Variants in HERC2 observed in about 807,000 individuals in gnomAD.
The protein encoded by HERC2 is E3 ubiquitin-protein ligase HERC2.
Under a neutral mutation model 537.7 loss-of-function variants are expected in HERC2, and 102 were observed. The ratio of observed to expected loss-of-function variants is 0.19; its 90% CI spans 0.16 to 0.22. HERC2 has a LOEUF of 0.22. HERC2 is among the 10% of genes least tolerant of loss of function. The pLI is 1.00. For missense variants in HERC2, 4,236 were observed against 6,198.2 expected (o/e 0.68, Z 10.63); for synonymous variants, 2,224 against 2,466.2 (o/e 0.90, Z 2.91).
At chr15:28,197,914 T>G (rs1897506137) in intron 50 of HERC2, among the ~76,000 whole-genome samples, 1 of 152,190 alleles carries the variant, frequency 6.6e-6, no homozygotes, top group Non-Finnish European at 1.5e-5. Flanking sequence ...TGATTAAAGT[T>G]GAGTCTAATC....
rs150026812 is a variant in HERC2 at position 28,248,268 on chromosome 15, T to C, written c.3235+284A>G. Among the ~76,000 whole-genome samples the C allele has an allele frequency of 2.1e-3, 316 of 152,326 alleles. 2 individuals are homozygous for C. Among genetic ancestry groups the C allele is most frequent in the Admixed American group, 5.8e-3 (88 of 15,300 alleles). Reference sequence around the variant, plus strand: ...CCAGTCTCCAGCATTCCATAGCACATGGAACAAATCTGATAAATCTTCTGT... The same window carrying C: ...CCAGTCTCCAGCATTCCATAGCACACGGAACAAATCTGATAAATCTTCTGT... On this transcript the variant is annotated intron_variant, in intron 21 of 92. Transcript: ENST00000261609.
At chr15:28,261,124 T>C (rs1042586327) in intron 15 of HERC2, among the ~76,000 whole-genome samples, 154 bp from the exon 16 acceptor site, 56 of 152,356 alleles carry the variant, frequency 3.7e-4, no homozygotes, top group African/African-American at 1.3e-3. Context: ...TCATTTGCTT[T>C]GGGTGTGTTA....
rs77671033 is a variant in HERC2, at chr15:28,122,161, G to A, written c.13189-732C>T. Among the ~76,000 whole-genome samples the A allele has an allele frequency of 1.1e-4, 17 of 152,344 alleles. No individual in the cohort carries two copies. The highest frequency in any genetic ancestry group is 1.9e-4 in the Non-Finnish European group (13 of 68,040). ...GATCACACTAAAAGAAATCGGGAGT[G>A]CCTGGGGTGAAGACAGCAGGGCGTG... is the stretch of plus-strand genomic sequence containing the variant. On this transcript the variant is annotated intron_variant, in intron 85 of 92. Coordinates refer to ENST00000261609, the MANE Select transcript of HERC2 (RefSeq NM_004667.6). The surrounding 1 kb of genome is among the most constrained non-coding windows in gnomAD (Gnocchi z 4.1).
chr15:28,216,534 T>C (rs1311845661), intron 38 of HERC2, among the ~76,000 whole-genome samples: 2 of 141,586 alleles, frequency 1.4e-5, no homozygotes. Context: ...CCACAGGACC[T>C]GCTCTCCCTC....
chr15:28,143,988 G>A lies in HERC2; in HGVS notation c.11303C>T (p.Ala3768Val). ...CTGAAGGGCCCACATTCTGTGACTG[G>A]CAGCTGAAATGAGCAGAGAGAAAGT... ...AACAQLSALA[A>V]SHRMWALQRL... Residue 3768 changes from alanine (A) to valine (V), a missense_variant, in exon 74 of 93, where the codon GCC (alanine) becomes GTC (valine). Ala to Val is a moderately conservative substitution (Grantham distance 64). Around this residue, in one of 27 missense-constraint regions of HERC2, gnomAD observed 109 missense variants for 133.5 expected, o/e 0.82. Coordinates refer to ENST00000261609, the MANE Select transcript of HERC2 (RefSeq NM_004667.6). 1 of 1,614,118 alleles carries A rather than the reference G, an allele frequency of 6.2e-7. No individual in the cohort carries two copies. Among genetic ancestry groups the A allele is most frequent in the South Asian group, 1.1e-5 (1 of 91,084 alleles).
chr15:28,253,975 T>TA (rs1241943925), intron 20 of HERC2, among the ~76,000 whole-genome samples: 33 of 142,104 alleles, frequency 2.3e-4, no homozygotes, highest in South Asian at 1.6e-3. Context: ...AAATAAATAT[T>TA]AAAAAAAAAT....
chr15:28,307,274 T>C (rs1221025671), intron 2 of HERC2, among the ~76,000 whole-genome samples: 4 of 152,276 alleles, frequency 2.6e-5, no homozygotes, highest in Non-Finnish European at 5.9e-5. Flanking sequence ...CTTTTTCTCT[T>C]AGCCTGCCTG....
At chr15:28,125,336 T>C (rs1889360316) in intron 83 of HERC2, 143 bp from the exon 84 acceptor site, 3 of 686,708 alleles carry the variant, frequency 4.4e-6, no homozygotes, top group Non-Finnish European at 7.8e-6. Context: ...ACATATGACC[T>C]AGACATGAAT....
At chr15:28,316,143 A>G (rs868058591) in intron 2 of HERC2, 4 of 278,914 alleles carry the variant, frequency 1.4e-5, no homozygotes, top group Admixed American at 4.6e-5. Context: ...GAATGGCTTG[A>G]ACCTGGGAGG....
At position 28,113,310 on chromosome 15, in the gene HERC2, C is replaced by G; in HGVS notation, c.14020-27G>C. The G allele has an allele frequency of 1.2e-6, 2 of 1,603,742 alleles. No homozygotes were observed. The highest frequency in any genetic ancestry group is 4.5e-5 in the East Asian group (2 of 44,802). On this transcript the variant is annotated intron_variant, in intron 91 of 92. Coordinates refer to ENST00000261609, the MANE Select transcript of HERC2 (RefSeq NM_004667.6). The surrounding 1 kb of genome is among the most constrained non-coding windows in gnomAD (Gnocchi z 7.0). ...TGCGGGAGGATGTCTGTCAGGGCCGCGTGATGCTTCCCACCCTGGCATTTC... is the reference window on the plus strand; with the variant it reads ...TGCGGGAGGATGTCTGTCAGGGCCGGGTGATGCTTCCCACCCTGGCATTTC...
intron 23 of HERC2, among the ~76,000 whole-genome samples, chr15:28,240,825 G>A (rs1257071204): frequency 6.6e-6 from 1 of 152,172 alleles, no homozygotes; most frequent in East Asian, 1.9e-4. Flanking sequence ...CATGGTACTG[G>A]GAAATCCAGA....
At chr15:28,273,079 T>C in intron 7 of HERC2, 75 bp from the exon 8 acceptor site, 1 of 1,002,390 alleles carries the variant, frequency 1.0e-6, no homozygotes, top group Non-Finnish European at 1.6e-6. Flanking sequence ...CACTAACACA[T>C]TTACTACACG....
chr15:28,281,755 G>A (rs1596382775), intron 4 of HERC2, among the ~76,000 whole-genome samples: 2 of 152,220 alleles, frequency 1.3e-5, no homozygotes, highest in East Asian at 1.9e-4. Flanking sequence ...GTGAAAGACT[G>A]AAAGGTAAAG....
intron 8 of HERC2, 48 bp downstream of exon 8, chr15:28,272,846 C>A: frequency 7.9e-7 from 1 of 1,258,186 alleles, no homozygotes; most frequent in East Asian, 2.3e-5. Context: ...CAGGTATTTC[C>A]ATACACAGGC....
At position 28,249,307 on chromosome 15, in the gene HERC2, G is replaced by C. The variant is rs527409855; in HGVS notation, c.3051-571C>G. ...CCATGCAGCAGGTGCCGAGGGCTCAGGGAGTCCAGGAAGGAAGACCAAAGC... is the reference window on the plus strand; with the variant it reads ...CCATGCAGCAGGTGCCGAGGGCTCACGGAGTCCAGGAAGGAAGACCAAAGC... On this transcript the variant is annotated intron_variant, in intron 20 of 92. Transcript: ENST00000261609. Among the ~76,000 whole-genome samples, 19 of 152,344 alleles carry C rather than the reference G, an allele frequency of 1.2e-4. No individual in the cohort carries two copies. In the East Asian group the frequency reaches 3.5e-3, roughly 28 times the overall value.
At position 28,163,220 on chromosome 15, in the gene HERC2, C is replaced by G. The variant is rs762089120; in HGVS notation, c.10620G>C (p.Leu3540=). 1 of 1,613,950 alleles carries G rather than the reference C, an allele frequency of 6.2e-7. No individual in the cohort carries two copies. The highest frequency in any genetic ancestry group is 8.5e-7 in the Non-Finnish European group (1 of 1,180,044). ...EPQALDEFTS[L]LIADDTRVVV... Reference sequence around the variant, plus strand: ...CCACACGAGTGTCATCCGCAATCAGCAGACTGGTGAACTCATCCAAGGCCT... The same window carrying G: ...CCACACGAGTGTCATCCGCAATCAGGAGACTGGTGAACTCATCCAAGGCCT... The change falls in exon 69 of 93, where the codon CTG becomes CTC. Residue 3540 remains leucine, a synonymous_variant. Coordinates refer to ENST00000261609, the MANE Select transcript of HERC2 (RefSeq NM_004667.6).
At chr15:28,294,064 C>G (rs1164842340) in intron 3 of HERC2, among the ~76,000 whole-genome samples, 1 of 152,184 alleles carries the variant, frequency 6.6e-6, no homozygotes, top group Non-Finnish European at 1.5e-5. Context: ...CTAAAAATCT[C>G]GAAGGAAACA....
At chr15:28,134,674 T>A (rs1159888269) in intron 79 of HERC2, among the ~76,000 whole-genome samples, 2 of 151,102 alleles carry the variant, frequency 1.3e-5, no homozygotes, top group Non-Finnish European at 2.9e-5. Context: ...CAGAAATGGA[T>A]GTTGGAGTTT....
intron 78 of HERC2, among the ~76,000 whole-genome samples, chr15:28,139,378 T>C (rs935007783): frequency 2.6e-5 from 4 of 152,146 alleles, no homozygotes; most frequent in Non-Finnish European, 2.9e-5. Context: ...TGTGAGACGC[T>C]CTATGGACAC....
Sources: gnomAD v4.1 joint callset for allele counts (sites outside exome capture counted in the v4.1 genomes callset) on GRCh38, gnomAD v4.1.1 for gene constraint, gnomAD v4.1.1 regional missense constraint, Gnocchi (gnomAD v3.1) non-coding constraint, MANE v1.5 for transcripts, NCBI Gene and HGNC (gene_info 2026-07-23, HGNC 2026-07-21) for gene names.